NOL9: variants seen among roughly 807,000 people sequenced by gnomAD.
The protein encoded by NOL9 is nucleolar protein 9.
Under a neutral mutation model 67.9 loss-of-function variants are expected in NOL9, and 28 were observed. The ratio of observed to expected loss-of-function variants is 0.41; its 90% CI spans 0.31 to 0.57. The LOEUF (loss-of-function observed/expected upper bound fraction) is 0.57, where lower values mean the gene tolerates loss of function less well. Among genes scored for constraint, NOL9 ranks in the 20% least tolerant of loss-of-function variants. NOL9 has a pLI of 0.25. For missense variants in NOL9, 777 were observed against 897.0 expected (o/e 0.87, Z 1.71); for synonymous variants, 356 against 352.2 (o/e 1.01, Z -0.12).
At chr1:6,547,295 A>C (rs1412572454) in intron 3 of NOL9, among the ~76,000 whole-genome samples, 2 of 152,142 alleles carry the variant, frequency 1.3e-5, no homozygotes, top group African/African-American at 4.8e-5. Flanking sequence ...GCTGATGTCT[A>C]CCAGGCATCT....
intron 7 of NOL9, 64 bp from the exon 8 acceptor site, chr1:6,532,824 G>A: frequency 1.4e-6 from 2 of 1,405,662 alleles, no homozygotes; most frequent in Non-Finnish European, 1.9e-6. Flanking sequence ...CAAGAACAGT[G>A]ACATGCTCCT....
chr1:6,553,222 T>A (rs1639581079), intron 1 of NOL9, among the ~76,000 whole-genome samples: 1 of 152,190 alleles, frequency 6.6e-6, no homozygotes, highest in African/African-American at 2.4e-5. Context: ...TACCACTCTG[T>A]CCTTTTAAAG....
chr1:6,540,140 T>TTTTTTTG (rs58795074), intron 6 of NOL9, among the ~76,000 whole-genome samples: 2 of 145,986 alleles, frequency 1.4e-5, no homozygotes, highest in African/African-American at 2.5e-5. Flanking sequence ...TTTTTTTTTT[T>TTTTTTTG]GAGACAGAGT....
At chr1:6,547,596 C>T (rs1639446070) in intron 3 of NOL9, among the ~76,000 whole-genome samples, 1 of 151,902 alleles carries the variant, frequency 6.6e-6, no homozygotes, top group African/African-American at 2.4e-5. Context: ...CACGGTGGCT[C>T]ACACCTGTAA....
At chr1:6,542,192 C>T (rs1197919166) in intron 5 of NOL9, among the ~76,000 whole-genome samples, 4 of 148,722 alleles carry the variant, frequency 2.7e-5, no homozygotes, top group African/African-American at 9.9e-5. Context: ...GATGGAGTCT[C>T]ACGCTGTTGC....
chr1:6,532,875 C>T, intron 7 of NOL9, 115 bp from the exon 8 acceptor site: 1 of 1,064,192 alleles, frequency 9.4e-7, no homozygotes, highest in African/African-American at 1.6e-5. Flanking sequence ...AAGAAACCAT[C>T]AATACGTTGG....
chr1:6,548,439 G>A (rs539441750), intron 3 of NOL9: 10 of 223,678 alleles, frequency 4.5e-5, no homozygotes, highest in African/African-American at 1.4e-4. Context: ...GAGCCACCAC[G>A]CCCCGCCAAG....
intron 9 of NOL9, 66 bp from the exon 10 acceptor site, chr1:6,529,237 C>T: frequency 2.1e-6 from 3 of 1,396,516 alleles, no homozygotes; most frequent in East Asian, 4.6e-5. Context: ...ATTTCTACAA[C>T]TAGATTAACC....
At position 6,550,543 on chromosome 1, in the gene NOL9, T is replaced by C. The variant is rs1400796751; in HGVS notation, c.469A>G (p.Ser157Gly). Residue 157 changes from serine (S) to glycine (G), a missense_variant, in exon 2 of 12, where the codon AGC becomes GGC. By Grantham distance (56) the Ser-to-Gly change is moderately conservative. This residue lies in a region of NOL9 where 364 missense variants were observed against 344.4 expected (regional missense o/e 1.06). Coordinates refer to ENST00000377705, the MANE Select transcript of NOL9 (RefSeq NM_024654.5). The part of the protein sequence containing the change: ...GQVQVFGFTI[S>G]QGQPAQDIFS... Reference sequence around the variant, plus strand: ...ATGTCTTGGGCAGGCTGGCCTTGGCTGATGGTAAAACCAAATACCTGCACC... The same window carrying C: ...ATGTCTTGGGCAGGCTGGCCTTGGCCGATGGTAAAACCAAATACCTGCACC... 6.2e-7 allele frequency: 1 copy of C among 1,613,924 alleles called. No individual in the cohort carries two copies. Among genetic ancestry groups the C allele is most frequent in the Non-Finnish European group, 8.5e-7 (1 of 1,180,014 alleles).
chr1:6,553,771 T>G (rs528302998), intron 1 of NOL9, among the ~76,000 whole-genome samples: 8 of 152,120 alleles, frequency 5.3e-5, no homozygotes, highest in African/African-American at 1.9e-4. Context: ...CAACCCGGGA[T>G]GCGGAGGTTG....
intron 5 of NOL9, among the ~76,000 whole-genome samples, chr1:6,542,360 C>T (rs1639314290): frequency 6.6e-6 from 1 of 150,456 alleles, no homozygotes; most frequent in Admixed American, 6.7e-5. Flanking sequence ...AGGGTTTCAC[C>T]ATGTTAGCCA....
At chr1:6,530,093 T>C (rs117680856) in intron 9 of NOL9, among the ~76,000 whole-genome samples, 1 of 152,072 alleles carries the variant, frequency 6.6e-6, no homozygotes, top group East Asian at 1.9e-4. Flanking sequence ...GCCACTGCAC[T>C]TCAACCTAGG....
intron 6 of NOL9, among the ~76,000 whole-genome samples, chr1:6,534,597 G>T (rs1639107167): frequency 6.6e-6 from 1 of 152,222 alleles, no homozygotes; most frequent in South Asian, 2.1e-4. Flanking sequence ...GTAGCCAGCA[G>T]CAGAGGGAGT....
chr1:6,525,099 G>A lies in NOL9; in HGVS notation c.*755C>T, dbSNP rs542788980. On this transcript the variant is annotated 3_prime_UTR_variant, in exon 12 of 12. Coordinates refer to ENST00000377705, the MANE Select transcript of NOL9 (RefSeq NM_024654.5). ...CATAAAACCTCAGGATTAAAAAAAA[G>A]GAAGGGCTCTTGGGTCCAAATTTAT... The A allele has an allele frequency of 6.6e-6, 1 of 152,096 alleles. No homozygotes were observed. Among genetic ancestry groups the A allele is most frequent in the East Asian group, 1.9e-4 (1 of 5,156 alleles). 9.4% of individuals were successfully genotyped at this position (152,096 alleles called of 1,614,324 possible). A position where few individuals can be genotyped will look rare whatever the true frequency, so the allele number is the denominator to read the frequency against.
chr1:6,531,075 C>T (rs909137183), intron 9 of NOL9, among the ~76,000 whole-genome samples: 1 of 152,160 alleles, frequency 6.6e-6, no homozygotes, highest in South Asian at 2.1e-4. Context: ...GTGCTACCTG[C>T]CGCTAGTTTT....
At position 6,549,668 on chromosome 1, in the gene NOL9, G is replaced by T; in HGVS notation, c.647C>A (p.Ser216Tyr). 6.2e-7 allele frequency: 1 copy of T among 1,614,094 alleles called. No homozygotes were observed. The highest frequency in any genetic ancestry group is 8.5e-7 in the Non-Finnish European group (1 of 1,180,014). The change falls in exon 3 of 12, where the codon TCT becomes TAT. Residue 216 changes from serine (S) to tyrosine (Y), a missense_variant. Ser to Tyr is a moderately radical substitution (Grantham distance 144). Transcript: ENST00000377705. The stretch of plus-strand genomic sequence containing the variant: ...TAGCAACACAATGGAACACTGAGGA[G>T]AAAAATTCTGCATCGACCAACGCCT... ...DDRRWSMQNF[S>Y]PQCSIVLLEH...
Position 6,554,432 on chromosome 1 carries a change from C to T in NOL9, c.71G>A (p.Arg24Gln). 6.5e-7 allele frequency: 1 copy of T among 1,548,486 alleles called. No homozygotes were observed. The highest frequency in any genetic ancestry group is 8.6e-7 in the Non-Finnish European group (1 of 1,159,544). The part of the protein sequence containing the change: ...RSTWLRVRKA[R>Q]PQLILSRRPR... ...CCGGCGGCTGAGGATGAGCTGGGGC[C>T]GGGCCTTGCGGACCCGCAGCCAAGT... is the stretch of plus-strand genomic sequence containing the variant. The change falls in exon 1 of 12, where the codon CGG becomes CAG. Residue 24 changes from arginine to glutamine, a missense_variant. Physicochemically the swap from Arg to Gln is conservative, Grantham distance 43. Transcript: ENST00000377705.
At chr1:6,528,432 C>A (rs572728362) in intron 10 of NOL9, among the ~76,000 whole-genome samples, 25 of 152,162 alleles carry the variant, frequency 1.6e-4, no homozygotes. Flanking sequence ...GAGAAGCCAC[C>A]AGACCATCTA....
chr1:6,545,828 C>T (rs1639408543), intron 3 of NOL9, among the ~76,000 whole-genome samples: 1 of 140,844 alleles, frequency 7.1e-6, no homozygotes. Flanking sequence ...GCACAAGAAT[C>T]GCTTGAACCC....
Sources: allele counts gnomAD v4.1 joint callset (sites outside exome capture counted in the v4.1 genomes callset), GRCh38; gene constraint gnomAD v4.1.1; regional missense constraint gnomAD v4.1.1; transcripts MANE v1.5; gene names NCBI Gene and HGNC (gene_info 2026-07-23, HGNC 2026-07-21).